IQCM: variants seen among roughly 807,000 people sequenced by gnomAD.
IQCM encodes the protein IQ domain-containing protein M.
A neutral mutation model predicts 57.6 loss-of-function variants in IQCM; 45 were observed. That is an observed-to-expected ratio of 0.78 (90% CI 0.62 to 1.00). IQCM has a LOEUF of 1.00. IQCM is among the 50% of genes least tolerant of loss of function. The pLI is 0.00. For synonymous variants in IQCM, 148 were observed against 158.9 expected (o/e 0.93, Z 0.51); for missense variants, 468 against 511.6 (o/e 0.91, Z 0.82).
chr4:149,604,902 C>A (rs1364014990), intron 8 of IQCM, among the ~76,000 whole-genome samples: 2 of 152,158 alleles, frequency 1.3e-5, no homozygotes, highest in Admixed American at 6.6e-5. Context: ...CCAGGGCAGG[C>A]ACAGTCTGTT....
At chr4:149,398,684 T>G (rs796448986) in intron 13 of IQCM, among the ~76,000 whole-genome samples, 3 of 152,084 alleles carry the variant, frequency 2.0e-5, no homozygotes, top group African/African-American at 7.2e-5. Context: ...AGATTAATGT[T>G]CCAGTGTGTA....
chr4:149,687,342 T>C (rs1237968598), intron 5 of IQCM, among the ~76,000 whole-genome samples: 1 of 151,478 alleles, frequency 6.6e-6, no homozygotes, highest in Non-Finnish European at 1.5e-5. Flanking sequence ...GCCTTCGGTG[T>C]CCTTGGGTTC....
At chr4:149,782,525 G>C (rs748555485) in intron 2 of IQCM, among the ~76,000 whole-genome samples, 14 of 151,394 alleles carry the variant, frequency 9.2e-5, no homozygotes, top group Non-Finnish European at 1.9e-4. Context: ...TGGGACGATT[G>C]CTTGAGCCCA....
chr4:149,568,657 G>A (rs1750862764), intron 9 of IQCM, among the ~76,000 whole-genome samples: 1 of 151,978 alleles, frequency 6.6e-6, no homozygotes, highest in African/African-American at 2.4e-5. Flanking sequence ...CAGGCATGGT[G>A]GCACATGCTA....
chr4:149,399,967 C>A (rs868153082), intron 13 of IQCM, among the ~76,000 whole-genome samples: 25 of 152,144 alleles, frequency 1.6e-4, no homozygotes, highest in Non-Finnish European at 2.9e-4. Flanking sequence ...CACATGCACA[C>A]ACATACACAC....
Position 149,725,700 on chromosome 4 carries a change from A to G in IQCM, c.385+7544T>C, listed in dbSNP as rs1243664970. 2.0e-5 allele frequency among the ~76,000 whole-genome samples: 3 copies of G among 152,102 alleles called. No individual in the cohort carries two copies. In the East Asian group the frequency reaches 5.8e-4, roughly 29 times the overall value. On this transcript the variant is annotated intron_variant, in intron 5 of 13. Coordinates refer to ENST00000636793, the MANE Select transcript of IQCM (RefSeq NM_001363507.2). ...GAAAAATCCCCCAAAAGAGACTATC[A>G]TTAGAAAGGATTACTCACATATTCT...
At chr4:149,590,247 C>CTTTTTTTTTTTTTTTTTT (rs71596214) in intron 8 of IQCM, among the ~76,000 whole-genome samples, 17 of 73,628 alleles carry the variant, frequency 2.3e-4, no homozygotes, top group Admixed American at 3.3e-4. Context: ...TTTTTCTTTC[C>CTTTTTTTTTTTTTTTTTT]TTTTTTTTTT....
At chr4:149,557,727 A>T (rs79531678) in intron 10 of IQCM, among the ~76,000 whole-genome samples, 3,542 of 152,252 alleles carry the variant, frequency 0.023, 124 homozygotes, top group African/African-American at 0.08. Flanking sequence ...CAATGGAGAA[A>T]TATGTTTCCT....
intron 13 of IQCM, among the ~76,000 whole-genome samples, chr4:149,359,605 C>A (rs1280912637): frequency 6.6e-6 from 1 of 152,034 alleles, no homozygotes; most frequent in Admixed American, 6.6e-5. Flanking sequence ...AGATAATATG[C>A]TGAATACACG....
chr4:149,573,312 TA>T (rs1751338583), intron 9 of IQCM, among the ~76,000 whole-genome samples: 1 of 151,784 alleles, frequency 6.6e-6, no homozygotes, highest in South Asian at 2.1e-4. Flanking sequence ...TAAGTGTTTC[TA>T]AATCAGGAAT....
intron 2 of IQCM, among the ~76,000 whole-genome samples, chr4:149,806,974 AG>A (rs1279223605): frequency 6.6e-6 from 1 of 151,974 alleles, no homozygotes; most frequent in Non-Finnish European, 1.5e-5. Flanking sequence ...AATCTCTAAA[AG>A]AAAACCTACA....
intron 2 of IQCM, among the ~76,000 whole-genome samples, chr4:149,743,204 C>G (rs897475250): frequency 6.6e-6 from 1 of 152,152 alleles, no homozygotes; most frequent in African/African-American, 2.4e-5. Flanking sequence ...ACCTTATACA[C>G]TCCTGCCTTC....
chr4:149,442,788 C>T (rs1736078455), intron 12 of IQCM, among the ~76,000 whole-genome samples: 1 of 151,900 alleles, frequency 6.6e-6, no homozygotes. Flanking sequence ...ATGGTCTGTT[C>T]AAGGAAATCT....
At chr4:149,519,767 G>A (rs558437125) in intron 12 of IQCM, among the ~76,000 whole-genome samples, 13 of 152,152 alleles carry the variant, frequency 8.5e-5, no homozygotes, top group African/African-American at 3.1e-4. Flanking sequence ...CACTTTGGGA[G>A]GCTGAAGCGA....
chr4:149,702,168 C>CTT, intron 5 of IQCM, among the ~76,000 whole-genome samples: 1 of 151,856 alleles, frequency 6.6e-6, no homozygotes. Context: ...CAACTGATAA[C>CTT]ACACTAAGTA....
chr4:149,711,704 A>G (rs1014899300), intron 5 of IQCM, among the ~76,000 whole-genome samples: 2 of 152,170 alleles, frequency 1.3e-5, no homozygotes, highest in African/African-American at 4.8e-5. Context: ...TCATTTGCTT[A>G]CAGAGCTACA....
At chr4:149,377,973 C>A (rs1342645891) in intron 13 of IQCM, among the ~76,000 whole-genome samples, 2 of 151,998 alleles carry the variant, frequency 1.3e-5, no homozygotes, top group African/African-American at 4.8e-5. Context: ...TGGGAGGGAC[C>A]AAGTGGGAGA....
chr4:149,791,980 A>G (rs574869314), intron 2 of IQCM, among the ~76,000 whole-genome samples: 134 of 152,288 alleles, frequency 8.8e-4, no homozygotes, highest in African/African-American at 2.1e-3. Context: ...AATTGACATC[A>G]AGAGTAGGCT....
chr4:149,475,691 G>A (rs1231085265), intron 12 of IQCM, among the ~76,000 whole-genome samples: 4 of 152,018 alleles, frequency 2.6e-5, no homozygotes, highest in Non-Finnish European at 5.9e-5. Context: ...CCAGAGAAAA[G>A]AGGATGAAAG....
Sources: allele counts gnomAD v4.1 joint callset (sites outside exome capture counted in the v4.1 genomes callset), GRCh38; gene constraint gnomAD v4.1.1; transcripts MANE v1.5; gene names NCBI Gene and HGNC (gene_info 2026-07-23, HGNC 2026-07-21).